Variants in HPSE2 observed in about 807,000 individuals in gnomAD.
HPSE2 encodes the protein inactive heparanase-2.
In HPSE2, 38 loss-of-function variants were observed where a neutral mutation model predicts 60.5. That is an observed-to-expected ratio of 0.63 (90% CI 0.48 to 0.82). The LOEUF (loss-of-function observed/expected upper bound fraction) is 0.82. Ranked by LOEUF, HPSE2 falls within the 40% of genes least tolerant of loss-of-function variation. The probability of loss-of-function intolerance (pLI) is 0.00; values close to 1 mark genes in which losing one functional copy is unlikely to be tolerated. For missense variants in HPSE2, 713 were observed against 740.4 expected, an observed-to-expected ratio of 0.96 and a Z score of 0.43; for synonymous variants, 295 against 293.2, an observed-to-expected ratio of 1.01 and a Z score of -0.06.
intron 6 of HPSE2, among the ~76,000 whole-genome samples, chr10:98,684,528 C>T (rs1947863824): frequency 6.6e-6 from 1 of 152,072 alleles, no homozygotes; most frequent in Non-Finnish European, 1.5e-5. Flanking sequence ...TACATAGTAA[C>T]AAAAATGTAA....
At chr10:98,793,544 C>T (rs1482425762) in intron 3 of HPSE2, among the ~76,000 whole-genome samples, 1 of 152,146 alleles carries the variant, frequency 6.6e-6, no homozygotes, top group Non-Finnish European at 1.5e-5. Context: ...CTATATGGAC[C>T]TACATTCCAG....
intron 9 of HPSE2, among the ~76,000 whole-genome samples, chr10:98,555,299 T>C (rs571467164): frequency 1.3e-5 from 2 of 152,338 alleles, no homozygotes; most frequent in East Asian, 3.9e-4. Context: ...ATGACTGGGA[T>C]TCCACCCTTT....
At chr10:99,230,594 C>G (rs1181986130) in intron 2 of HPSE2, among the ~76,000 whole-genome samples, 4 of 152,040 alleles carry the variant, frequency 2.6e-5, no homozygotes, top group African/African-American at 9.7e-5. Context: ...CTTTTCTCCC[C>G]ATGATGCCCA....
At chr10:98,523,226 T>C (rs1265873198) in intron 9 of HPSE2, among the ~76,000 whole-genome samples, 2 of 152,222 alleles carry the variant, frequency 1.3e-5, no homozygotes, top group African/African-American at 4.8e-5. Context: ...TATATTCTTA[T>C]GCTTAATAGA....
chr10:98,584,763 A>C (rs1362523444), intron 9 of HPSE2, among the ~76,000 whole-genome samples: 1 of 152,160 alleles, frequency 6.6e-6, no homozygotes, highest in Non-Finnish European at 1.5e-5. Context: ...CACCAGCAAA[A>C]ACAAACTCAG....
At chr10:99,179,405 T>C (rs1847666060) in intron 2 of HPSE2, among the ~76,000 whole-genome samples, 1 of 152,152 alleles carries the variant, frequency 6.6e-6, no homozygotes, top group African/African-American at 2.4e-5. Context: ...ATAAGCAACT[T>C]CAGCAAGGTC....
chr10:98,611,072 G>C (rs540898636), intron 9 of HPSE2, among the ~76,000 whole-genome samples: 1 of 151,662 alleles, frequency 6.6e-6, no homozygotes, highest in Non-Finnish European at 1.5e-5. Flanking sequence ...AGACTCACAC[G>C]TCCCCATTTT....
the HPSE2 span, among the ~76,000 whole-genome samples, chr10:99,314,553 C>A: frequency 6.6e-6 from 1 of 152,246 alleles, no homozygotes; most frequent in Admixed American, 6.5e-5. Flanking sequence ...GTAAACATAA[C>A]TTTCATATGC....
Position 98,942,414 on chromosome 10 carries a change from G to A in HPSE2, c.611-198358C>T, listed in dbSNP as rs557241784. Among the ~76,000 whole-genome samples the A allele has an allele frequency of 2.0e-5, 3 of 149,006 alleles. No homozygotes were observed. The East Asian group carries it at 5.8e-4, about 29-fold the overall frequency. ...AAACAAACAACCCCATCAAAAAGTGGGCAAAGGACATGAACAGACACTTCT... is the reference window on the plus strand; with the variant it reads ...AAACAAACAACCCCATCAAAAAGTGAGCAAAGGACATGAACAGACACTTCT... On this transcript the variant is annotated intron_variant, in intron 3 of 11. Coordinates refer to ENST00000370552, the MANE Select transcript of HPSE2 (RefSeq NM_021828.5).
intron 3 of HPSE2, among the ~76,000 whole-genome samples, chr10:98,897,752 A>G (rs867848277): frequency 1.1e-4 from 17 of 152,272 alleles, no homozygotes; most frequent in African/African-American, 4.1e-4. Flanking sequence ...TCTAGATAAA[A>G]ACAGGAGAAA....
At chr10:98,531,312 T>C (rs905156757) in intron 9 of HPSE2, among the ~76,000 whole-genome samples, 7 of 152,180 alleles carry the variant, frequency 4.6e-5, no homozygotes, top group Non-Finnish European at 8.8e-5. Context: ...GAGTTTGTGC[T>C]TTGGAGAACA....
intron 9 of HPSE2, among the ~76,000 whole-genome samples, chr10:98,571,435 A>G (rs1190334208): frequency 6.6e-6 from 1 of 152,182 alleles, no homozygotes; most frequent in Non-Finnish European, 1.5e-5. Flanking sequence ...CCAATGTGTA[A>G]TGAATGATCG....
the HPSE2 span, among the ~76,000 whole-genome samples, chr10:99,309,860 A>G: frequency 2.0e-5 from 3 of 152,222 alleles, no homozygotes; most frequent in East Asian, 5.8e-4. Context: ...TGTATATGCT[A>G]TATATTTTGT....
At chr10:98,534,791 G>A (rs994192121) in intron 9 of HPSE2, among the ~76,000 whole-genome samples, 2 of 152,198 alleles carry the variant, frequency 1.3e-5, no homozygotes, top group African/African-American at 4.8e-5. Context: ...GATGGATAAG[G>A]TACCAAAGAA....
intron 9 of HPSE2, among the ~76,000 whole-genome samples, chr10:98,589,442 G>A (rs1945027308): frequency 6.6e-6 from 1 of 152,190 alleles, no homozygotes; most frequent in South Asian, 2.1e-4. Context: ...TCAAGATGAT[G>A]AGCCCTGGGA....
chr10:99,116,218 G>A (rs771697888), intron 3 of HPSE2, among the ~76,000 whole-genome samples: 34 of 151,338 alleles, frequency 2.2e-4, no homozygotes, highest in Middle Eastern at 3.4e-3. Context: ...CACTGATCTA[G>A]ATTCAAACTC....
At chr10:98,936,996 A>AC (rs1269511019) in intron 3 of HPSE2, among the ~76,000 whole-genome samples, 3 of 140,882 alleles carry the variant, frequency 2.1e-5, no homozygotes, top group Non-Finnish European at 1.5e-5. Context: ...AAAAAAAAAA[A>AC]AAAAAAAAAC....
At position 98,935,259 on chromosome 10, in the gene HPSE2, T is replaced by C. The variant is rs1954755577; in HGVS notation, c.611-191203A>G. Among the ~76,000 whole-genome samples the C allele has an allele frequency of 2.1e-5, 3 of 142,842 alleles. 1 individual carries two copies. The highest frequency in any genetic ancestry group is 2.1e-4 in the Admixed American group (3 of 14,358). The allele number at this position is 142,842 out of a possible 152,430, so 93.7% of individuals were successfully genotyped here. A position where few individuals can be genotyped will look rare whatever the true frequency, so the allele number is the denominator to read the frequency against. ...CCTTTAGCTCAATAAAATTTGTTAT[T>C]ACCCACTTTCTAAAGCCTACTTCTG... On this transcript the variant is annotated intron_variant, in intron 3 of 11. Coordinates refer to ENST00000370552, the MANE Select transcript of HPSE2 (RefSeq NM_021828.5).
chr10:99,183,181 A>T (rs945669439), intron 2 of HPSE2, among the ~76,000 whole-genome samples: 1 of 152,090 alleles, frequency 6.6e-6, no homozygotes, highest in African/African-American at 2.4e-5. Flanking sequence ...GAGTCAAGGA[A>T]ACACAATTCA....
Sources: gnomAD v4.1 joint callset for allele counts (sites outside exome capture counted in the v4.1 genomes callset) on GRCh38, gnomAD v4.1.1 for gene constraint, MANE v1.5 for transcripts, NCBI Gene and HGNC (gene_info 2026-07-23, HGNC 2026-07-21) for gene names.